Variants in OSBPL2 observed in about 807,000 individuals in gnomAD.
The protein encoded by OSBPL2 is oxysterol-binding protein-related protein 2.
In OSBPL2, 18 loss-of-function variants were observed where a neutral mutation model predicts 58.4. The observed-to-expected ratio is 0.31, with a 90% CI of 0.21 to 0.46. The LOEUF is 0.46. OSBPL2 is among the 20% of genes least tolerant of loss of function. OSBPL2 has a pLI of 1.00. For synonymous variants in OSBPL2, 221 were observed against 234.1 expected, an observed-to-expected ratio of 0.94 and a Z score of 0.51; for missense variants, 461 against 616.5, an observed-to-expected ratio of 0.75 and a Z score of 2.67.
intron 12 of OSBPL2, among the ~76,000 whole-genome samples, chr20:62,290,910 G>A (rs539987343): frequency 2.0e-5 from 3 of 151,318 alleles, no homozygotes; most frequent in South Asian, 4.2e-4. Context: ...GCCAATTTTT[G>A]TATTTTTAGT....
chr20:62,293,380 T>C (rs1191492060), intron 13 of OSBPL2, among the ~76,000 whole-genome samples: 1 of 152,200 alleles, frequency 6.6e-6, no homozygotes, highest in Non-Finnish European at 1.5e-5. Context: ...TTGCCTATAA[T>C]GTCTTCCTTT....
intron 4 of OSBPL2, chr20:62,271,879 A>G: frequency 4.3e-6 from 2 of 470,110 alleles, no homozygotes; most frequent in South Asian, 5.6e-5. Flanking sequence ...GGCAGAGAGG[A>G]TTCAGGGGTG....
rs147795186 is a variant in OSBPL2, at chr20:62,256,654, G to T, written c.37+433G>T. Reference sequence around the variant, plus strand: ...TTCTTTCGCACGATGGTTTAAAGTGGCGGCATGCAGCCTGTGGTCTGAATG... The same window carrying T: ...TTCTTTCGCACGATGGTTTAAAGTGTCGGCATGCAGCCTGTGGTCTGAATG... On this transcript the variant is annotated intron_variant, in intron 2 of 13. Coordinates refer to ENST00000313733, the MANE Select transcript of OSBPL2 (RefSeq NM_144498.4). Among the ~76,000 whole-genome samples the T allele has an allele frequency of 8.7e-3, 1,330 of 152,322 alleles. 15 individuals carry two copies. The highest frequency in any genetic ancestry group is 0.031 in the African/African-American group (1,286 of 41,572).
Position 62,263,823 on chromosome 20 carries a change from T to C in OSBPL2, c.258+132T>C, listed in dbSNP as rs111895604. On this transcript the variant is annotated intron_variant, in intron 4 of 13. Coordinates refer to ENST00000313733, the MANE Select transcript of OSBPL2 (RefSeq NM_144498.4). ...GCTCACGCCTATAATCTCAGCACTT[T>C]GGGAGGCCGAGGTGGGCGGATCACG... 37 of 748,852 alleles carry C rather than the reference T, an allele frequency of 4.9e-5. No individual in the cohort carries two copies. In the East Asian group the frequency reaches 5.6e-4, roughly 11 times the overall value. The allele number at this position is 748,852 out of a possible 1,614,324, so 46.4% of individuals were successfully genotyped here.
chr20:62,245,120 C>T (rs1302351818), intron 1 of OSBPL2, among the ~76,000 whole-genome samples: 2 of 146,548 alleles, frequency 1.4e-5, no homozygotes, highest in African/African-American at 2.5e-5. Flanking sequence ...TTTTTTGAGA[C>T]GGTGTCTTGC....
intron 1 of OSBPL2, among the ~76,000 whole-genome samples, chr20:62,241,809 C>G (rs1270821128): frequency 2.0e-5 from 3 of 152,396 alleles, no homozygotes; most frequent in African/African-American, 7.2e-5. Context: ...GCAGCAGTCA[C>G]ACCCTCAGGT....
chr20:62,289,801 A>C (rs994859560), intron 12 of OSBPL2, among the ~76,000 whole-genome samples: 4 of 152,052 alleles, frequency 2.6e-5, no homozygotes, highest in African/African-American at 9.7e-5. Flanking sequence ...GCTTCTAGGG[A>C]GGCTGAGGCA....
At chr20:62,273,457 A>G in intron 6 of OSBPL2, 51 bp downstream of exon 6, 1 of 1,322,430 alleles carries the variant, frequency 7.6e-7, no homozygotes, top group Non-Finnish European at 1.1e-6. Context: ...AATTCCTTGG[A>G]TGACAGATAA....
rs1368037499 is a variant in OSBPL2 at position 62,278,531 on chromosome 20, CCGAG to C, written c.492-625_492-622del. The C allele has an allele frequency of 9.4e-4, 73 of 77,264 alleles. 5 individuals are homozygous for C. The highest frequency in any genetic ancestry group is 4.2e-3 in the African/African-American group (72 of 17,126). The allele number at this position is 77,264 out of a possible 1,614,324, so 4.8% of individuals were successfully genotyped here. Reference sequence around the variant, plus strand: ...TTATGTGTGTGTTGCCAACGTTAGGCCGAGTGCGATGTCATGTTTGTGTGTGTGT... The same window carrying C: ...TTATGTGTGTGTTGCCAACGTTAGGCTGCGATGTCATGTTTGTGTGTGTGT... On this transcript the variant is annotated intron_variant, in intron 6 of 13. Coordinates refer to ENST00000313733, the MANE Select transcript of OSBPL2 (RefSeq NM_144498.4).
chr20:62,282,820 C>G (rs953726715), intron 9 of OSBPL2, among the ~76,000 whole-genome samples: 1 of 152,210 alleles, frequency 6.6e-6, no homozygotes, highest in Non-Finnish European at 1.5e-5. Context: ...AAGCAAGAGG[C>G]TGTCTCAAAA....
rs780056137 is a variant in OSBPL2 at position 62,272,160 on chromosome 20, C to T, written c.294C>T (p.Asn98=). 117 of 1,613,752 alleles carry T rather than the reference C, an allele frequency of 7.3e-5. No homozygotes were observed. The highest frequency in any genetic ancestry group is 2.0e-4 in the Admixed American group (12 of 59,986). Residue 98 remains asparagine, a synonymous_variant, in exon 5 of 14, where the codon AAC becomes AAT. Transcript: ENST00000313733. ...LSKITMPIAF[N]EPLSFLQRIT... is the part of the protein sequence containing the mutation. The stretch of plus-strand genomic sequence containing the variant: ...AGATCACGATGCCAATCGCCTTCAA[C>T]GAGCCTCTGAGCTTCTTGCAGCGGA...
intron 2 of OSBPL2, among the ~76,000 whole-genome samples, chr20:62,257,076 GTGA>G (rs909826453): frequency 2.6e-5 from 4 of 152,268 alleles, no homozygotes; most frequent in Non-Finnish European, 5.9e-5. Context: ...CCAGGAATTA[GTGA>G]TGATCTTTAG....
chr20:62,267,963 A>G (rs922729531), intron 4 of OSBPL2, among the ~76,000 whole-genome samples: 3 of 151,406 alleles, frequency 2.0e-5, no homozygotes, highest in Non-Finnish European at 4.4e-5. Context: ...GCTCACTGCA[A>G]CCTCTGCCTC....
rs764391114 is a variant in OSBPL2, at chr20:62,279,254, C to T, written c.589C>T (p.His197Tyr). Residue 197 changes from histidine to tyrosine, a missense_variant, in exon 7 of 14, where the codon CAT (histidine) becomes TAT (tyrosine). By Grantham distance (83) the His-to-Tyr change is moderately conservative (BLOSUM62 2). This residue lies in a region of OSBPL2 where 319 missense variants were observed against 419.2 expected (regional missense o/e 0.76). Transcript: ENST00000313733. ...SEGLNHDFLF[H>Y]GSIYPKLKFW... ...AGGTCTCAACCATGACTTCCTGTTCCATGGCTCCATCTACCCCAAGCTCAA... is the reference window on the plus strand; with the variant it reads ...AGGTCTCAACCATGACTTCCTGTTCTATGGCTCCATCTACCCCAAGCTCAA... The T allele has an allele frequency of 8.1e-6, 13 of 1,614,118 alleles. No individual in the cohort carries two copies. Among genetic ancestry groups the T allele is most frequent in the Non-Finnish European group, 1.1e-5 (13 of 1,180,056 alleles).
intron 12 of OSBPL2, among the ~76,000 whole-genome samples, chr20:62,289,761 C>T (rs1184592485): frequency 1.3e-5 from 2 of 151,960 alleles, no homozygotes; most frequent in Admixed American, 6.6e-5. Flanking sequence ...AGAGATTAGG[C>T]GGTCATGGTG....
chr20:62,271,687 A>T, intron 4 of OSBPL2: 1 of 172,276 alleles, frequency 5.8e-6, no homozygotes, highest in Non-Finnish European at 1.2e-5. Context: ...CCTGACCTCA[A>T]GGGATCCACC....
intron 2 of OSBPL2, among the ~76,000 whole-genome samples, chr20:62,257,903 C>T (rs546420006): frequency 1.8e-4 from 28 of 152,068 alleles, no homozygotes; most frequent in South Asian, 4.1e-4. Context: ...TTAGTAGAGA[C>T]GGGGTTTCAC....
chr20:62,243,434 G>A (rs1208375967), intron 1 of OSBPL2, among the ~76,000 whole-genome samples: 1 of 142,980 alleles, frequency 7.0e-6, no homozygotes. Context: ...CGCCTGCCCC[G>A]CAGCCCCTGC....
In OSBPL2 at chr20:62,280,763, T is replaced by C. The variant is rs4583539; in HGVS notation, c.675-295T>C. On this transcript the variant is annotated intron_variant, in intron 7 of 13. Transcript: ENST00000313733. ...CGTGTGTGTTTCGTGAGGTGGCCTT[T>C]CTTTTGACGACTTCACAGGAAAGCC... is the stretch of plus-strand genomic sequence containing the variant. Among the ~76,000 whole-genome samples the C allele has an allele frequency of 2.3e-4, 35 of 152,376 alleles. No individual in the cohort carries two copies. In the East Asian group the frequency reaches 6.2e-3, roughly 27 times the overall value.
Sources: allele counts gnomAD v4.1 joint callset (sites outside exome capture counted in the v4.1 genomes callset), GRCh38; gene constraint gnomAD v4.1.1; regional missense constraint gnomAD v4.1.1; transcripts MANE v1.5; gene names NCBI Gene and HGNC (gene_info 2026-07-23, HGNC 2026-07-21).